The following CYP4F3 variants were observed in gnomAD, a reference collection of about 807,000 sequenced individuals.
CYP4F3 encodes cytochrome P450 family 4 subfamily F member 3.
CYP4F3 carries 50 observed loss-of-function variants against 54.8 expected under a neutral mutation model. That is an observed-to-expected ratio of 0.91 (90% CI 0.73 to 1.16). The LOEUF (loss-of-function observed/expected upper bound fraction) is 1.16. CYP4F3 is among the 50% of genes most tolerant of loss of function. CYP4F3 has a pLI of 0.00. For missense variants in CYP4F3, 715 were observed against 676.2 expected (o/e 1.06, Z -0.64); for synonymous variants, 244 against 262.6 (o/e 0.93, Z 0.69).
chr19:15,658,817 C>A lies in CYP4F3; in HGVS notation c.1397+8C>A. The A allele has an allele frequency of 6.2e-7, 1 of 1,613,754 alleles. No individual in the cohort carries two copies. The highest frequency in any genetic ancestry group is 8.5e-7 in the Non-Finnish European group (1 of 1,179,830). On this transcript the variant is annotated splice_region_variant and intron_variant, in intron 12 of 12. Transcript: ENST00000221307. ...CTTCTCAGCAGGGCCCAGGTAAGAG[C>A]GGCCTGTGTTTGAGGCGGGGACGGG...
chr19:15,656,663 A>G (rs1447081827), intron 9 of CYP4F3, among the ~76,000 whole-genome samples: 1 of 151,830 alleles, frequency 6.6e-6, no homozygotes, highest in East Asian at 1.9e-4. Flanking sequence ...TGTCTCCATC[A>G]TCTATTATCT....
At chr19:15,648,274 G>A (rs560718768) in intron 5 of CYP4F3, among the ~76,000 whole-genome samples, 1 of 152,096 alleles carries the variant, frequency 6.6e-6, no homozygotes, top group African/African-American at 2.4e-5. Context: ...TTGTTAGATT[G>A]CACTTCTTCT....
chr19:15,656,419 A>G (rs1973011806), intron 9 of CYP4F3, among the ~76,000 whole-genome samples: 1 of 152,060 alleles, frequency 6.6e-6, no homozygotes, highest in Admixed American at 6.5e-5. Flanking sequence ...CTGCCACCTG[A>G]CCTAATCCTT....
At chr19:15,652,261 C>T (rs1972878179) in intron 7 of CYP4F3, among the ~76,000 whole-genome samples, 1 of 134,240 alleles carries the variant, frequency 7.4e-6, no homozygotes, top group Non-Finnish European at 1.6e-5. Flanking sequence ...ATTTAATTAT[C>T]CTGTAACCCA....
intron 3 of CYP4F3, among the ~76,000 whole-genome samples, chr19:15,646,419 T>C (rs139381649): frequency 4.6e-5 from 7 of 152,156 alleles, no homozygotes; most frequent in African/African-American, 1.4e-4. Context: ...TGTGTTGTAG[T>C]ATGTTTGGGT....
intron 2 of CYP4F3, among the ~76,000 whole-genome samples, chr19:15,641,827 A>G (rs2144627173): frequency 6.6e-6 from 1 of 152,114 alleles, no homozygotes; most frequent in Non-Finnish European, 1.5e-5. Context: ...CCTGTGTTGA[A>G]TCCTTTTCCT....
chr19:15,650,977 G>A (rs889066734), intron 7 of CYP4F3, among the ~76,000 whole-genome samples: 2 of 150,300 alleles, frequency 1.3e-5, no homozygotes, highest in Non-Finnish European at 2.9e-5. Flanking sequence ...CCGGGTTCAA[G>A]TGATTCTCCT....
At position 15,659,476 on chromosome 19, in the gene CYP4F3, T is replaced by C; in HGVS notation, c.*91T>C. 6.9e-7 allele frequency: 1 copy of C among 1,445,808 alleles called. No homozygotes were observed. Among genetic ancestry groups the C allele is most frequent in the East Asian group, 2.4e-5 (1 of 41,814 alleles). The allele number at this position is 1,445,808 out of a possible 1,614,324, so 89.6% of individuals were successfully genotyped here. A position where few individuals can be genotyped will look rare whatever the true frequency, so the allele number is the denominator to read the frequency against. ...ATTACCCTAAGACCCTGTTCCACAG[T>C]CCTGTATTCCATCCTAGATATCTAC... On this transcript the variant is annotated 3_prime_UTR_variant, in exon 13 of 13. Coordinates refer to ENST00000221307, the MANE Select transcript of CYP4F3 (RefSeq NM_000896.3).
At position 15,650,862 on chromosome 19, in the gene CYP4F3, CTTTCTTTT is replaced by C. The variant is rs1266549120; in HGVS notation, c.918+681_918+688del. On this transcript the variant is annotated intron_variant, in intron 7 of 12. Coordinates refer to ENST00000221307, the MANE Select transcript of CYP4F3 (RefSeq NM_000896.3). ...TCTTTCTTTCTTTCTTTCTTTCTTT[CTTTCTTTT>C]TCTCTCTCTCTCTTTCCTTTTTTTG... is the stretch of plus-strand genomic sequence containing the variant. Among the ~76,000 whole-genome samples, 27 of 52,710 alleles carry C rather than the reference CTTTCTTTT, an allele frequency of 5.1e-4. 8 individuals are homozygous for C. Among genetic ancestry groups the C allele is most frequent in the African/African-American group, 1.8e-3 (27 of 15,084 alleles). The allele number at this position is 52,710 out of a possible 152,430, so 34.6% of individuals were successfully genotyped here.
rs145748913 is a variant in CYP4F3 at position 15,648,260 on chromosome 19, T to C, written c.526-900T>C. ...CTCATGACACAGAGAGCAGCATGTG[T>C]TGCTTGTTAGATTGCACTTCTTCTC... On this transcript the variant is annotated intron_variant, in intron 5 of 12. Transcript: ENST00000221307. Among the ~76,000 whole-genome samples, 279 of 152,156 alleles carry C rather than the reference T, an allele frequency of 1.8e-3. 1 individual carries two copies. Among genetic ancestry groups the C allele is most frequent in the Middle Eastern group, 6.8e-3 (2 of 294 alleles).
chr19:15,650,109 G>A lies in CYP4F3; in HGVS notation c.844G>A (p.Gly282Ser), dbSNP rs1972749727. Reference sequence around the variant, plus strand: ...GCGGCGCCGCACCCTCCCTAGCCAGGGTGTTGATGACTTCCTCCAAGCCAA... The same window carrying A: ...GCGGCGCCGCACCCTCCCTAGCCAGAGTGTTGATGACTTCCTCCAAGCCAA... The part of the protein sequence containing the change: ...QERRRTLPSQ[G>S]VDDFLQAKAK... Residue 282 changes from glycine to serine, a missense_variant, in exon 7 of 13, where the codon GGT becomes AGT. Transcript: ENST00000221307. 3 of 1,614,136 alleles carry A rather than the reference G, an allele frequency of 1.9e-6. No homozygotes were observed. The highest frequency in any genetic ancestry group is 2.5e-6 in the Non-Finnish European group (3 of 1,180,032).
rs148052542 is a variant in CYP4F3, at chr19:15,641,560, C to T, written c.145C>T (p.Arg49Trp). Residue 49 changes from arginine to tryptophan, a missense_variant, in exon 2 of 13, where the codon CGG (arginine) becomes TGG (tryptophan). Arg to Trp is a moderately radical substitution (Grantham distance 101, BLOSUM62 -3). Coordinates refer to ENST00000221307, the MANE Select transcript of CYP4F3 (RefSeq NM_000896.3). ...YTFYDNCCRL[R>W]CFPQPPKRNW... ...CTTCTATGACAACTGCTGCCGCCTC[C>T]GGTGTTTCCCGCAACCCCCGAAACG... The T allele has an allele frequency of 3.8e-5, 62 of 1,614,138 alleles. No homozygotes were observed. Among genetic ancestry groups the T allele is most frequent in the African/African-American group, 8.0e-5 (6 of 75,026 alleles).
In CYP4F3 at chr19:15,658,741, T is replaced by C; in HGVS notation, c.1329T>C (p.Phe443=). 6.2e-7 allele frequency: 1 copy of C among 1,614,092 alleles called. No individual in the cohort carries two copies. The highest frequency in any genetic ancestry group is 8.5e-7 in the Non-Finnish European group (1 of 1,180,014). ...VWPDPEVYDP[F]RFDPKNIKER... is the part of the protein sequence containing the mutation. ...CTCGCCTCCAGGTCTATGACCCCTT[T>C]CGCTTTGACCCAAAGAACATCAAGG... The change falls in exon 12 of 13, where the codon TTT becomes TTC. Residue 443 remains phenylalanine, a synonymous_variant. Transcript: ENST00000221307.
chr19:15,644,393 T>A (rs562543306), intron 2 of CYP4F3, among the ~76,000 whole-genome samples: 1 of 152,302 alleles, frequency 6.6e-6, no homozygotes, highest in Non-Finnish European at 1.5e-5. Flanking sequence ...GGGAGATGGA[T>A]GACAGCCCAG....
intron 7 of CYP4F3, among the ~76,000 whole-genome samples, chr19:15,650,959 C>G (rs1267006924): frequency 6.7e-6 from 1 of 149,202 alleles, no homozygotes; most frequent in African/African-American, 2.5e-5. Flanking sequence ...ACTGGTAACC[C>G]CTGCCTCCCG....
Position 15,643,067 on chromosome 19 carries a change from G to A in CYP4F3, c.198+1454G>A, listed in dbSNP as rs555333373. 6.6e-5 allele frequency among the ~76,000 whole-genome samples: 10 copies of A among 151,270 alleles called. No individual in the cohort carries two copies. In the South Asian group the frequency reaches 1.7e-3, roughly 25 times the overall value. On this transcript the variant is annotated intron_variant, in intron 2 of 12. Coordinates refer to ENST00000221307, the MANE Select transcript of CYP4F3 (RefSeq NM_000896.3). ...AGGATAAATGGATGAGTGGATGAAT[G>A]TACAGATAAGATGGATGGATGGATG...
chr19:15,644,413 A>G (rs1268348859), intron 2 of CYP4F3, among the ~76,000 whole-genome samples: 1 of 152,238 alleles, frequency 6.6e-6, no homozygotes, highest in African/African-American at 2.4e-5. Flanking sequence ...GAGAAGAGCA[A>G]GTTCTCTGCT....
intron 6 of CYP4F3, among the ~76,000 whole-genome samples, chr19:15,649,554 T>C (rs1212712558): frequency 2.6e-5 from 4 of 152,078 alleles, no homozygotes. Flanking sequence ...GAAGCTAGGG[T>C]GGAAGCTGGA....
intron 2 of CYP4F3, among the ~76,000 whole-genome samples, chr19:15,642,186 C>G (rs973923574): frequency 7.9e-5 from 12 of 152,216 alleles, no homozygotes; most frequent in Admixed American, 7.2e-4. Context: ...TCTCCTCCCC[C>G]AGACCTTGCC....
Sources: gnomAD v4.1 joint callset for allele counts (sites outside exome capture counted in the v4.1 genomes callset) on GRCh38, gnomAD v4.1.1 for gene constraint, MANE v1.5 for transcripts, NCBI Gene and HGNC (gene_info 2026-07-23, HGNC 2026-07-21) for gene names.